Variants in AGAP1 observed in about 807,000 individuals in gnomAD.
AGAP1 encodes the protein ArfGAP with GTPase domain, ankyrin repeat and PH domain 1.
AGAP1 carries 29 observed loss-of-function variants against 105.3 expected under a neutral mutation model. The observed-to-expected ratio is 0.28, with a 90% CI of 0.21 to 0.38. The LOEUF (loss-of-function observed/expected upper bound fraction) is 0.38. Among genes scored for constraint, AGAP1 ranks in the 10% least tolerant of loss-of-function variants. The pLI is 1.00. For synonymous variants in AGAP1, 509 were observed against 485.9 expected, an observed-to-expected ratio of 1.05 and a Z score of -0.63; for missense variants, 998 against 1,165.1, an observed-to-expected ratio of 0.86 and a Z score of 2.09.
rs1305153127 is a variant in AGAP1, at chr2:236,056,216, A to G, written c.2114+6935A>G. Among the ~76,000 whole-genome samples, 1 of 152,182 alleles carries G rather than the reference A, an allele frequency of 6.6e-6. No individual in the cohort carries two copies. Among genetic ancestry groups the G allele is most frequent in the Non-Finnish European group, 1.5e-5 (1 of 68,024 alleles). ...ATACTTGCATTTGCCTTTGAACCAG[A>G]CAGACAGAATGGTGCTCTCGGTTTA... is the stretch of plus-strand genomic sequence containing the variant. On this transcript the variant is annotated intron_variant, in intron 16 of 17. Coordinates refer to ENST00000304032, the MANE Select transcript of AGAP1 (RefSeq NM_001037131.3). This position sits in a 1 kb window ranked among gnomAD's most constrained non-coding sequence, Gnocchi z 4.6.
chr2:236,103,584 CCT>C (rs1286213789), intron 16 of AGAP1, among the ~76,000 whole-genome samples: 2 of 149,570 alleles, frequency 1.3e-5, no homozygotes, highest in African/African-American at 2.5e-5. Flanking sequence ...TTTTTTTCCC[CCT>C]GAGACAGAGT....
At chr2:235,868,374 C>G (rs2049282075) in intron 9 of AGAP1, among the ~76,000 whole-genome samples, 1 of 152,160 alleles carries the variant, frequency 6.6e-6, no homozygotes, top group Admixed American at 6.5e-5. Flanking sequence ...CAGTCAGATG[C>G]ATGCACGGCC....
rs993638612 is a variant in AGAP1, at chr2:235,936,329, C to G, written c.1483+5406C>G. Among the ~76,000 whole-genome samples the G allele has an allele frequency of 6.6e-6, 1 of 152,174 alleles. No individual in the cohort carries two copies. Among genetic ancestry groups the G allele is most frequent in the African/African-American group, 2.4e-5 (1 of 41,428 alleles). ...GTGTGTACGGGTGTATGCTCTGGTC[C>G]CTGTTTCCTTCTGGCCACGTAATCA... is the stretch of plus-strand genomic sequence containing the variant. On this transcript the variant is annotated intron_variant, in intron 12 of 17. Coordinates refer to ENST00000304032, the MANE Select transcript of AGAP1 (RefSeq NM_001037131.3). The surrounding 1 kb of genome is among the most constrained non-coding windows in gnomAD (Gnocchi z 4.7).
intron 1 of AGAP1, among the ~76,000 whole-genome samples, chr2:235,571,932 T>G (rs1032048957): frequency 9.7e-6 from 1 of 103,608 alleles, no homozygotes; most frequent in Admixed American, 9.8e-5. Context: ...TGCCCACACT[T>G]TGTGTGTGTG....
intron 1 of AGAP1, among the ~76,000 whole-genome samples, chr2:235,675,447 G>C (rs1342208683): frequency 6.6e-6 from 1 of 152,094 alleles, no homozygotes; most frequent in Non-Finnish European, 1.5e-5. Context: ...CCAAGGTGCT[G>C]GGATTACAAG....
chr2:235,780,556 G>A lies in AGAP1; in HGVS notation c.674-17203G>A, dbSNP rs930541236. ...ACGGTGGGTAGAGTTGCTCGGCCAA[G>A]TAATTTACAGTGCTGTGGCAAGGTA... On this transcript the variant is annotated intron_variant, in intron 6 of 17. Coordinates refer to ENST00000304032, the MANE Select transcript of AGAP1 (RefSeq NM_001037131.3). 4.6e-5 allele frequency among the ~76,000 whole-genome samples: 7 copies of A among 152,142 alleles called. 1 individual carries two copies. Among genetic ancestry groups the A allele is most frequent in the Admixed American group, 4.6e-4 (7 of 15,268 alleles).
chr2:235,587,876 G>T (rs62189177), intron 1 of AGAP1, among the ~76,000 whole-genome samples: 12,952 of 152,082 alleles, frequency 0.085, 777 homozygotes, highest in Non-Finnish European at 0.13. Flanking sequence ...CTCCTTCCAC[G>T]CCTGCCCGGT....
Position 235,716,854 on chromosome 2 carries a change from C to G in AGAP1, c.223-703C>G, listed in dbSNP as rs563294763. ...AGTCAGCCTTGCCGCCAGGTTACTG[C>G]TAGGACAGAGGCCCTCATGTCACCC... is the stretch of plus-strand genomic sequence containing the variant. On this transcript the variant is annotated intron_variant, in intron 2 of 17. Coordinates refer to ENST00000304032, the MANE Select transcript of AGAP1 (RefSeq NM_001037131.3). The surrounding 1 kb of genome is among the most constrained non-coding windows in gnomAD (Gnocchi z 4.0). Among the ~76,000 whole-genome samples the G allele has an allele frequency of 2.6e-5, 4 of 152,158 alleles. No homozygotes were observed. In the South Asian group the frequency reaches 6.2e-4, roughly 24 times the overall value.
intron 9 of AGAP1, among the ~76,000 whole-genome samples, chr2:235,859,797 G>C (rs1372841483): frequency 1.3e-5 from 2 of 152,176 alleles, no homozygotes; most frequent in African/African-American, 4.8e-5. Context: ...ACTGTGTACA[G>C]TTCAAAAGGC....
chr2:235,683,289 G>C (rs1014875243), intron 1 of AGAP1, among the ~76,000 whole-genome samples: 4 of 152,140 alleles, frequency 2.6e-5, no homozygotes, highest in African/African-American at 9.7e-5. Flanking sequence ...CTGGGCAACA[G>C]AGTGAGACTC....
rs1951850267 is a variant in AGAP1, at chr2:235,729,926, T to A, written c.311-11037T>A. Reference sequence around the variant, plus strand: ...TGCAAGGCCTAAAATGTTTACTTTCTGGCCTTTTACACAGGCAGTTCGCCA... The same window carrying A: ...TGCAAGGCCTAAAATGTTTACTTTCAGGCCTTTTACACAGGCAGTTCGCCA... On this transcript the variant is annotated intron_variant, in intron 3 of 17. Coordinates refer to ENST00000304032, the MANE Select transcript of AGAP1 (RefSeq NM_001037131.3). The surrounding 1 kb of genome is among the most constrained non-coding windows in gnomAD (Gnocchi z 5.0). 1.3e-5 allele frequency among the ~76,000 whole-genome samples: 2 copies of A among 152,144 alleles called. No individual in the cohort carries two copies. Among genetic ancestry groups the A allele is most frequent in the Non-Finnish European group, 2.9e-5 (2 of 68,038 alleles).
rs1953451163 is a variant in AGAP1, at chr2:235,751,643, A to G, written c.673+1155A>G. 6.6e-6 allele frequency among the ~76,000 whole-genome samples: 1 copy of G among 152,226 alleles called. No homozygotes were observed. Among genetic ancestry groups the G allele is most frequent in the South Asian group, 2.1e-4 (1 of 4,824 alleles). On this transcript the variant is annotated intron_variant, in intron 6 of 17. Coordinates refer to ENST00000304032, the MANE Select transcript of AGAP1 (RefSeq NM_001037131.3). The surrounding 1 kb of genome is among the most constrained non-coding windows in gnomAD (Gnocchi z 5.3). ...ACATTCACTGTTCAACTCAGTTTCA[A>G]AGATGACATCAGTTCTCAAACTTCA...
rs891670886 is a variant in AGAP1, at chr2:235,992,039, T to A, written c.1645+23416T>A. The stretch of plus-strand genomic sequence containing the variant: ...GTGAAGGCCCGTTGAGACTGCTCAG[T>A]TGGTGTCTCCTCTGTCCACAGGACA... On this transcript the variant is annotated intron_variant, in intron 13 of 17. Transcript: ENST00000304032. This position sits in a 1 kb window ranked among gnomAD's most constrained non-coding sequence, Gnocchi z 4.8. 2.0e-5 allele frequency among the ~76,000 whole-genome samples: 3 copies of A among 152,214 alleles called. No homozygotes were observed. Among genetic ancestry groups the A allele is most frequent in the African/African-American group, 7.2e-5 (3 of 41,466 alleles).
intron 2 of AGAP1, among the ~76,000 whole-genome samples, chr2:235,717,211 C>T (rs1226419422): frequency 6.6e-6 from 1 of 152,326 alleles, no homozygotes; most frequent in East Asian, 1.9e-4. Context: ...CTGCTTTTCC[C>T]AGTCTCTGGA....
At chr2:235,597,547 A>C (rs1363907443) in intron 1 of AGAP1, among the ~76,000 whole-genome samples, 1 of 152,184 alleles carries the variant, frequency 6.6e-6, no homozygotes, top group East Asian at 1.9e-4. Context: ...ACTGCTTGTA[A>C]AGGAAAACAT....
intron 1 of AGAP1, among the ~76,000 whole-genome samples, chr2:235,649,336 G>A (rs1451536205): frequency 2.0e-5 from 3 of 152,134 alleles, no homozygotes; most frequent in Non-Finnish European, 4.4e-5. Flanking sequence ...CAATTCCGTG[G>A]GGCCAAGCAG....
chr2:235,959,578 G>A lies in AGAP1; in HGVS notation c.1484-8884G>A, dbSNP rs986311418. 1.2e-4 allele frequency among the ~76,000 whole-genome samples: 18 copies of A among 151,916 alleles called. No homozygotes were observed. Among genetic ancestry groups the A allele is most frequent in the African/African-American group, 4.4e-4 (18 of 41,346 alleles). On this transcript the variant is annotated intron_variant, in intron 12 of 17. Coordinates refer to ENST00000304032, the MANE Select transcript of AGAP1 (RefSeq NM_001037131.3). This position sits in a 1 kb window ranked among gnomAD's most constrained non-coding sequence, Gnocchi z 7.3. The stretch of plus-strand genomic sequence containing the variant: ...CCTGGCCTCCAGGTGGGTCCTCTCT[G>A]GTCGCTCCTCACTGGTCTTGAGTCC...
rs1439862110 is a variant in AGAP1, at chr2:235,601,979, A to C, written c.163+107130A>C. On this transcript the variant is annotated intron_variant, in intron 1 of 17. Transcript: ENST00000304032. This position sits in a 1 kb window ranked among gnomAD's most constrained non-coding sequence, Gnocchi z 4.4. ...ACTCCAGGGTGACCCCTAAAACCCAAGTCCAATCACATTACTCCTGGGCCT... is the reference window on the plus strand; with the variant it reads ...ACTCCAGGGTGACCCCTAAAACCCACGTCCAATCACATTACTCCTGGGCCT... Among the ~76,000 whole-genome samples, 1 of 152,126 alleles carries C rather than the reference A, an allele frequency of 6.6e-6. No individual in the cohort carries two copies. The highest frequency in any genetic ancestry group is 1.5e-5 in the Non-Finnish European group (1 of 68,018).
Position 235,586,243 on chromosome 2 carries a change from C to G in AGAP1, c.163+91394C>G, listed in dbSNP as rs1270709736. Among the ~76,000 whole-genome samples the G allele has an allele frequency of 1.3e-5, 2 of 152,180 alleles. No individual in the cohort carries two copies. The highest frequency in any genetic ancestry group is 4.8e-5 in the African/African-American group (2 of 41,452). ...TCAGCCCGCCATACGGGCATGTTAT[C>G]CAGAAGAGAGGAGAGAGAAGCCCGC... On this transcript the variant is annotated intron_variant, in intron 1 of 17. Coordinates refer to ENST00000304032, the MANE Select transcript of AGAP1 (RefSeq NM_001037131.3). The surrounding 1 kb of genome is among the most constrained non-coding windows in gnomAD (Gnocchi z 4.2).
Sources: allele counts gnomAD v4.1 joint callset (sites outside exome capture counted in the v4.1 genomes callset), GRCh38; gene constraint gnomAD v4.1.1; non-coding constraint Gnocchi (gnomAD v3.1); transcripts MANE v1.5; gene names NCBI Gene and HGNC (gene_info 2026-07-23, HGNC 2026-07-21).